MBD5: variants seen among roughly 807,000 people sequenced by gnomAD.
The protein encoded by MBD5 is methyl-CpG binding domain protein 5, also known as methyl-CpG-binding domain protein 5.
A neutral mutation model predicts 117.3 loss-of-function variants in MBD5; 13 were observed. That is an observed-to-expected ratio of 0.11 (90% CI 0.07 to 0.18). MBD5 has a LOEUF of 0.18. MBD5 is among the 10% of genes least tolerant of loss of function. The pLI, the probability that MBD5 is intolerant of heterozygous loss-of-function variation, is 1.00. For missense variants in MBD5, 1,879 were observed against 2,093.8 expected, an observed-to-expected ratio of 0.90 and a Z score of 2.00; for synonymous variants, 727 against 766.4, an observed-to-expected ratio of 0.95 and a Z score of 0.85.
intron 3 of MBD5, among the ~76,000 whole-genome samples, chr2:148,294,277 T>G (rs1393998683): frequency 6.7e-6 from 1 of 148,310 alleles, no homozygotes; most frequent in Admixed American, 6.8e-5. Context: ...CAGGCTGGAG[T>G]GCAGTGGCGT....
In MBD5 at chr2:148,300,340, A is replaced by G. The variant is rs532825619; in HGVS notation, c.-679-41874A>G. Among the ~76,000 whole-genome samples the G allele has an allele frequency of 5.9e-5, 9 of 152,258 alleles. No individual in the cohort carries two copies. In the East Asian group the frequency reaches 1.7e-3, roughly 29 times the overall value. The stretch of plus-strand genomic sequence containing the variant: ...AGTGCTGGGATTACAGACATGAGCC[A>G]TTGCGCCCGGGCATGGGGATTGTTT... On this transcript the variant is annotated intron_variant, in intron 3 of 13. Transcript: ENST00000642680.
At chr2:148,339,734 C>T (rs1702888906) in intron 3 of MBD5, among the ~76,000 whole-genome samples, 1 of 152,108 alleles carries the variant, frequency 6.6e-6, no homozygotes, top group Non-Finnish European at 1.5e-5. Flanking sequence ...ATTTTGGTCA[C>T]ATACTCTATA....
intron 1 of MBD5, chr2:148,055,525 C>G (rs777546330): frequency 2.0e-5 from 3 of 152,170 alleles, no homozygotes; most frequent in African/African-American, 7.3e-5. Context: ...CTCCGCCTCC[C>G]GGGTTCAAGC....
At chr2:148,271,345 A>G (rs1700981017) in intron 3 of MBD5, among the ~76,000 whole-genome samples, 1 of 152,188 alleles carries the variant, frequency 6.6e-6, no homozygotes, top group Non-Finnish European at 1.5e-5. Context: ...TCTCTGTTAT[A>G]TACAAGGTTA....
At chr2:148,377,745 C>G (rs528543165) in intron 4 of MBD5, among the ~76,000 whole-genome samples, 1 of 152,292 alleles carries the variant, frequency 6.6e-6, no homozygotes. Flanking sequence ...TCTTGTTTGT[C>G]CTCTGCCCCT....
At chr2:148,476,398 T>C (rs1680966513) in intron 8 of MBD5, among the ~76,000 whole-genome samples, 1 of 152,224 alleles carries the variant, frequency 6.6e-6, no homozygotes, top group Non-Finnish European at 1.5e-5. Flanking sequence ...CAAATACTTA[T>C]TACATGTAAT....
chr2:148,144,930 G>A (rs900140369), intron 1 of MBD5, among the ~76,000 whole-genome samples: 3 of 152,166 alleles, frequency 2.0e-5, no homozygotes, highest in Non-Finnish European at 4.4e-5. Flanking sequence ...TGGCAATGCG[G>A]GCTCTTTTTT....
chr2:148,460,171 TAA>T (rs1451512277), intron 5 of MBD5: 1 of 152,214 alleles, frequency 6.6e-6, no homozygotes, highest in African/African-American at 2.4e-5. Flanking sequence ...CAAAAGACTC[TAA>T]AATCTGGATA....
intron 11 of MBD5, among the ~76,000 whole-genome samples, chr2:148,496,483 G>A (rs997419159): frequency 5.3e-5 from 8 of 152,122 alleles, no homozygotes. Flanking sequence ...ATCTTCATTC[G>A]CATAGGTAAC....
At chr2:148,345,422 T>TATACACATATACATATGTATATACAC (rs879553783) in intron 4 of MBD5, among the ~76,000 whole-genome samples, 6 of 140,494 alleles carry the variant, frequency 4.3e-5, no homozygotes, top group East Asian at 2.1e-4. Flanking sequence ...CATATACATA[T>TATACACATATACATATGTATATACAC]ATACACATAT....
At chr2:148,154,684 G>T (rs1374467216) in intron 1 of MBD5, among the ~76,000 whole-genome samples, 5 of 152,160 alleles carry the variant, frequency 3.3e-5, no homozygotes, top group Non-Finnish European at 5.9e-5. Context: ...GGGTGGGAGT[G>T]ACCCGATTTT....
At chr2:148,475,645 T>C (rs746412391) in intron 8 of MBD5, among the ~76,000 whole-genome samples, 5 of 152,142 alleles carry the variant, frequency 3.3e-5, no homozygotes, top group Non-Finnish European at 7.4e-5. Flanking sequence ...TTGAGCTCAC[T>C]TATAAAGCCA....
At chr2:148,117,606 A>G (rs1443789146) in intron 1 of MBD5, among the ~76,000 whole-genome samples, 2 of 152,160 alleles carry the variant, frequency 1.3e-5, no homozygotes, top group Non-Finnish European at 2.9e-5. Context: ...CTTTTAAAAT[A>G]ATTAGACTAA....
chr2:148,490,779 C>A, intron 11 of MBD5, 185 bp downstream of exon 11: 1 of 700,680 alleles, frequency 1.4e-6, no homozygotes, highest in Non-Finnish European at 2.4e-6. Flanking sequence ...AATGTCGTAT[C>A]AACAAGGGGT....
At chr2:148,198,332 C>T (rs13395141) in intron 2 of MBD5, among the ~76,000 whole-genome samples, 58,726 of 151,934 alleles carry the variant, frequency 0.39, 11,863 homozygotes, top group South Asian at 0.5. Flanking sequence ...ACAACTCTAC[C>T]ACCAAATTTC....
rs1574286975 is a variant in MBD5 at position 148,324,088 on chromosome 2, A to G, written c.-679-18126A>G. 2.0e-5 allele frequency among the ~76,000 whole-genome samples: 3 copies of G among 152,178 alleles called. No homozygotes were observed. In the East Asian group the frequency reaches 5.8e-4, roughly 29 times the overall value. ...CTAGCCAGTTTTCCCAGCACCATTTATTAAATAGGGAATCCTTTACCCTTT... is the reference window on the plus strand; with the variant it reads ...CTAGCCAGTTTTCCCAGCACCATTTGTTAAATAGGGAATCCTTTACCCTTT... On this transcript the variant is annotated intron_variant, in intron 3 of 13. Transcript: ENST00000642680.
intron 4 of MBD5, among the ~76,000 whole-genome samples, chr2:148,344,056 T>C (rs1171671149): frequency 6.6e-6 from 1 of 152,128 alleles, no homozygotes; most frequent in Non-Finnish European, 1.5e-5. Flanking sequence ...TCCATCACCA[T>C]GTATTGAATA....
At chr2:148,241,546 G>A (rs552332146) in intron 3 of MBD5, among the ~76,000 whole-genome samples, 59 of 151,922 alleles carry the variant, frequency 3.9e-4, no homozygotes, top group Non-Finnish European at 4.3e-4. Flanking sequence ...AGCCTAGGTC[G>A]GAATCAATAT....
rs1705641727 is a variant in MBD5 at position 148,422,505 on chromosome 2, CA to C, written c.-556-35693del. Among the ~76,000 whole-genome samples the C allele has an allele frequency of 3.3e-5, 5 of 152,198 alleles. No individual in the cohort carries two copies. The South Asian group carries it at 1.0e-3, about 32-fold the overall frequency. On this transcript the variant is annotated intron_variant, in intron 4 of 13. Coordinates refer to ENST00000642680, the MANE Select transcript of MBD5 (RefSeq NM_001378120.1). ...ACCAGCGCAAAAAGGCTGAAAATTC[CA>C]AAAACCAGAATGCCTCTTCTCCTCC...
Sources: allele counts gnomAD v4.1 joint callset (sites outside exome capture counted in the v4.1 genomes callset), GRCh38; gene constraint gnomAD v4.1.1; transcripts MANE v1.5; gene names NCBI Gene and HGNC (gene_info 2026-07-23, HGNC 2026-07-21).